The following MORC4 variants were observed in gnomAD, a reference collection of about 807,000 sequenced individuals.
MORC4 encodes MORC family CW-type zinc finger protein 4.
A neutral mutation model predicts 65.5 loss-of-function variants in MORC4; 22 were observed. The ratio of observed to expected loss-of-function variants is 0.34; its 90% CI spans 0.24 to 0.48. MORC4 has a LOEUF of 0.48. Ranked by LOEUF, MORC4 falls within the 20% of genes least tolerant of loss-of-function variation. The pLI is 0.99. For synonymous variants in MORC4, 267 were observed against 255.8 expected (o/e 1.04, Z -0.42); for missense variants, 624 against 703.0 (o/e 0.89, Z 1.27).
rs750904204 is a variant in MORC4 at position 106,993,498 on chromosome X, ATTAACGGTAGTGCAC to A, written c.176-151_176-137del. 4,150 of 585,234 alleles carry A rather than the reference ATTAACGGTAGTGCAC, an allele frequency of 7.1e-3. 15 individuals carry two copies. Among genetic ancestry groups the A allele is most frequent in the Non-Finnish European group, 9.8e-3 (3,801 of 387,113 alleles). The allele number at this position is 585,234 out of a possible 1,213,427, so 48.2% of individuals were successfully genotyped here. ...GATGTTTGAGAAGGTATCAGGGAGC[ATTAACGGTAGTGCAC>A]TTACTAAATTATAGAGAACAAAAGA... is the stretch of plus-strand genomic sequence containing the variant. On this transcript the variant is annotated intron_variant, in intron 2 of 16. Transcript: ENST00000355610.
intron 13 of MORC4, among the ~76,000 whole-genome samples, chrX:106,956,057 A>G (rs1160904237): frequency 9.0e-6 from 1 of 111,417 alleles, no homozygotes; most frequent in Non-Finnish European, 1.9e-5. Context: ...GCCAGCCTGA[A>G]AGCAGGGATA....
At chrX:106,999,532 G>T in intron 2 of MORC4, 145 bp downstream of exon 2, 1 of 428,598 alleles carries the variant, frequency 2.3e-6, no homozygotes, top group Non-Finnish European at 3.7e-6. Flanking sequence ...CCCCTCCTCC[G>T]CCTGCGGAGC....
intron 9 of MORC4, among the ~76,000 whole-genome samples, chrX:106,964,165 GA>G (rs1364194326): frequency 1.8e-5 from 2 of 111,841 alleles, no homozygotes; most frequent in African/African-American, 3.2e-5. Flanking sequence ...AAGCAAAATA[GA>G]AAATCAACAA....
chrX:106,983,859 T>A (rs1454373655), intron 5 of MORC4, among the ~76,000 whole-genome samples: 1 of 111,201 alleles, frequency 9.0e-6, no homozygotes, highest in Non-Finnish European at 1.9e-5. Flanking sequence ...TTTTTCTACT[T>A]CTAACCCAGC....
intron 14 of MORC4, among the ~76,000 whole-genome samples, chrX:106,954,382 TAGA>T (rs1934050063): frequency 8.9e-6 from 1 of 112,383 alleles, no homozygotes; most frequent in Admixed American, 9.4e-5. Context: ...GATGAGGTGC[TAGA>T]AGGTGAACAA....
rs1935012258 is a variant in MORC4, at chrX:106,993,224, T to C, written c.308+6A>G. ...GACAAGAAAAAGACAATGAAGACATTTTTACCTGAGCATTCGGTGTAGTTT... is the reference window on the plus strand; with the variant it reads ...GACAAGAAAAAGACAATGAAGACATCTTTACCTGAGCATTCGGTGTAGTTT... On this transcript the variant is annotated splice_donor_region_variant and intron_variant, in intron 3 of 16. Transcript: ENST00000355610. The C allele has an allele frequency of 8.3e-7, 1 of 1,207,851 alleles. No individual in the cohort carries two copies. Among genetic ancestry groups the C allele is most frequent in the Non-Finnish European group, 1.1e-6 (1 of 893,274 alleles).
chrX:106,974,523 T>TC (rs1934583791), intron 9 of MORC4, among the ~76,000 whole-genome samples: 1 of 111,754 alleles, frequency 8.9e-6, no homozygotes, highest in African/African-American at 3.3e-5. Flanking sequence ...CCCAAAACCT[T>TC]CCCCATCTCC....
chrX:106,988,882 G>C, intron 3 of MORC4, among the ~76,000 whole-genome samples: 1 of 111,487 alleles, frequency 9.0e-6, no homozygotes. Context: ...AATCCAGAGA[G>C]GTAAATTTAA....
intron 9 of MORC4, among the ~76,000 whole-genome samples, chrX:106,972,182 C>G (rs1225138171): frequency 9.0e-6 from 1 of 111,380 alleles, no homozygotes; most frequent in Non-Finnish European, 1.9e-5. Context: ...ATGGATGAAG[C>G]TGGAAACCAT....
At chrX:106,987,458 A>G (rs1326167334) in intron 3 of MORC4, among the ~76,000 whole-genome samples, 1 of 112,251 alleles carries the variant, frequency 8.9e-6, no homozygotes, top group Non-Finnish European at 1.9e-5. Flanking sequence ...CTAAGCACCT[A>G]CAATGTGCCA....
chrX:106,945,319 C>T (rs760594725), intron 14 of MORC4, among the ~76,000 whole-genome samples: 1 of 110,574 alleles, frequency 9.0e-6, no homozygotes, highest in African/African-American at 3.3e-5. Flanking sequence ...TGCCCTTCTT[C>T]TACCCAACAC....
chrX:106,942,762 A>G lies in MORC4; in HGVS notation c.2129T>C (p.Leu710Pro), dbSNP rs1933723902. ...AAGCTCCTCTCTGTTAAAAGGGATC[A>G]GCTGAATGGGAGCTCCTGAATCTCT... ...GVRDSGAPIQ[L>P]IPFNREELAE... Residue 710 changes from leucine (L) to proline (P), a missense_variant, in exon 15 of 17, where the codon CTG becomes CCG. Coordinates refer to ENST00000355610, the MANE Select transcript of MORC4 (RefSeq NM_024657.5). The G allele has an allele frequency of 1.7e-6, 2 of 1,209,820 alleles. No individual in the cohort carries two copies. The highest frequency in any genetic ancestry group is 1.8e-5 in the South Asian group (1 of 56,767).
In MORC4 at chrX:106,999,906, C is replaced by G; in HGVS notation, c.64G>C (p.Gly22Arg). 2.4e-6 allele frequency: 2 copies of G among 826,849 alleles called. No individual in the cohort carries two copies. The highest frequency in any genetic ancestry group is 6.2e-5 in the South Asian group (1 of 16,040). 68.1% of individuals were successfully genotyped at this position (826,849 alleles called of 1,213,427 possible). A position where few individuals can be genotyped will look rare whatever the true frequency, so the allele number is the denominator to read the frequency against. Residue 22 changes from glycine (G) to arginine (R), a missense_variant, in exon 1 of 17, where the codon GGC becomes CGC. Gly to Arg is a moderately radical substitution (Grantham distance 125). Coordinates refer to ENST00000355610, the MANE Select transcript of MORC4 (RefSeq NM_024657.5). Reference protein sequence around the residue: ...GAPGCGLARPGGGPQAFGIRL... With the variant: ...GAPGCGLARPRGGPQAFGIRL... ...ATCCCGAAGGCCTGCGGGCCGCCGC[C>G]GGGCCGGGCCAGCCCGCAGCCCGGC...
At position 106,942,840 on chromosome X, in the gene MORC4, T is replaced by C. The variant is rs1341560680; in HGVS notation, c.2051A>G (p.Glu684Gly). 21 of 1,210,230 alleles carry C rather than the reference T, an allele frequency of 1.7e-5. No homozygotes were observed. The highest frequency in any genetic ancestry group is 2.3e-5 in the Non-Finnish European group (21 of 895,248). Residue 684 changes from glutamate (E) to glycine (G), a missense_variant, in exon 15 of 17, where the codon GAA becomes GGA. Physicochemically the swap from Glu to Gly is moderately conservative, Grantham distance 98. Transcript: ENST00000355610. ...TACAAAAGGTCCCTTGTTGACTTCT[T>C]CTTTGTTTATGGTTGTGCTACCTCT... is the stretch of plus-strand genomic sequence containing the variant. ...SNRGSTTINK[E>G]EVNKGPFVAV...
chrX:106,985,053 C>G (rs1460628762), intron 5 of MORC4, 43 bp downstream of exon 5: 1 of 1,033,597 alleles, frequency 9.7e-7, no homozygotes, highest in Non-Finnish European at 1.3e-6. Context: ...TTTCATCATA[C>G]TACCTTTGTT....
rs751305236 is a variant in MORC4, at chrX:106,941,468, C to T, written c.*11G>A. The stretch of plus-strand genomic sequence containing the variant: ...GAAGATAAGAGAAGAGAAGGGTATA[C>T]AGTCTGGTGCTCAATCCAGTATGTG... On this transcript the variant is annotated 3_prime_UTR_variant, in exon 17 of 17. Coordinates refer to ENST00000355610, the MANE Select transcript of MORC4 (RefSeq NM_024657.5). 80 of 1,182,876 alleles carry T rather than the reference C, an allele frequency of 6.8e-5. No homozygotes were observed. In the South Asian group the frequency reaches 1.3e-3, roughly 20 times the overall value.
chrX:106,942,609 G>A lies in MORC4; in HGVS notation c.2282C>T (p.Pro761Leu), dbSNP rs562728763. Residue 761 changes from proline (P) to leucine (L), a missense_variant, in exon 15 of 17, where the codon CCA becomes CTA. Transcript: ENST00000355610. ...CAGCTCTCTCTGGTTCTTCAACTTTGGTGTATTATGACCTTCGCTCTCCTC... is the reference window on the plus strand; with the variant it reads ...CAGCTCTCTCTGGTTCTTCAACTTTAGTGTATTATGACCTTCGCTCTCCTC... ...GYEESEGHNT[P>L]KLKNQRELEE... 10 of 1,209,229 alleles carry A rather than the reference G, an allele frequency of 8.3e-6. No individual in the cohort carries two copies. In the South Asian group the frequency reaches 1.4e-4, roughly 17 times the overall value.
chrX:106,955,211 AAAAC>A (rs1934078196), intron 13 of MORC4, 123 bp from the exon 14 acceptor site: 2 of 513,995 alleles, frequency 3.9e-6, no homozygotes, highest in South Asian at 3.3e-5. Context: ...TTTCCTACAC[AAAAC>A]AAACAGTGTG....
intron 9 of MORC4, among the ~76,000 whole-genome samples, chrX:106,967,556 C>T (rs1934404364): frequency 9.0e-6 from 1 of 111,552 alleles, no homozygotes; most frequent in Admixed American, 9.5e-5. Context: ...AGTAAGGAAG[C>T]TAAAAACCTA....
Sources: gnomAD v4.1 joint callset for allele counts (sites outside exome capture counted in the v4.1 genomes callset) on GRCh38, gnomAD v4.1.1 for gene constraint, MANE v1.5 for transcripts, NCBI Gene and HGNC (gene_info 2026-07-23, HGNC 2026-07-21) for gene names.